The following PUM1 variants were observed in gnomAD, a reference collection of about 807,000 sequenced individuals.
PUM1 encodes the protein pumilio homolog 1.
A neutral mutation model predicts 131.8 loss-of-function variants in PUM1; 13 were observed. The observed-to-expected ratio is 0.10, with a 90% CI of 0.06 to 0.16. The LOEUF (loss-of-function observed/expected upper bound fraction) is 0.16, where lower values mean the gene tolerates loss of function less well. Ranked by LOEUF, PUM1 falls within the 10% of genes least tolerant of loss-of-function variation. The pLI, the probability that PUM1 is intolerant of heterozygous loss-of-function variation, is 1.00. For synonymous variants in PUM1, 509 were observed against 556.5 expected (o/e 0.91, Z 1.20); for missense variants, 961 against 1,512.4 (o/e 0.64, Z 6.05).
chr1:30,998,667 T>C (rs748585002), intron 5 of PUM1, among the ~76,000 whole-genome samples: 4 of 152,116 alleles, frequency 2.6e-5, no homozygotes, highest in Non-Finnish European at 5.9e-5. Context: ...ATAAAAGACT[T>C]GACTGATATT....
At chr1:30,960,965 GACA>G (rs1475607748) in intron 14 of PUM1, among the ~76,000 whole-genome samples, 1 of 147,132 alleles carries the variant, frequency 6.8e-6, no homozygotes, top group African/African-American at 2.5e-5. Context: ...CATTTTAAAA[GACA>G]ACATTTTAAA....
chr1:31,051,302 A>ATTT (rs35765126), intron 2 of PUM1, among the ~76,000 whole-genome samples: 4 of 140,872 alleles, frequency 2.8e-5, no homozygotes, highest in African/African-American at 2.6e-5. Context: ...CATCCACTGA[A>ATTT]TTTTTTTTTT....
chr1:30,959,780 G>C (rs1006680923), intron 14 of PUM1, among the ~76,000 whole-genome samples: 1 of 151,682 alleles, frequency 6.6e-6, no homozygotes, highest in African/African-American at 2.4e-5. Flanking sequence ...GGTGGTGGGC[G>C]CCTATAGTCC....
At chr1:30,994,647 T>C (rs1482116432) in intron 6 of PUM1, among the ~76,000 whole-genome samples, 1 of 152,186 alleles carries the variant, frequency 6.6e-6, no homozygotes, top group Non-Finnish European at 1.5e-5. Context: ...CTCAACTGTT[T>C]TTCCCTCTAA....
At chr1:31,024,838 T>C (rs1336288899) in intron 3 of PUM1, among the ~76,000 whole-genome samples, 1 of 152,216 alleles carries the variant, frequency 6.6e-6, no homozygotes, top group Non-Finnish European at 1.5e-5. Context: ...AAACAGGTTA[T>C]GCAAGATCAT....
At chr1:30,974,861 T>C (rs1489479176) in intron 9 of PUM1, 59 bp from the exon 10 acceptor site, 2 of 1,413,906 alleles carry the variant, frequency 1.4e-6, no homozygotes, top group Non-Finnish European at 1.9e-6. Flanking sequence ...ATCTCAGCCT[T>C]TCCAAAATTA....
intron 7 of PUM1, among the ~76,000 whole-genome samples, chr1:30,986,247 G>T (rs1004857121): frequency 6.6e-6 from 1 of 152,186 alleles, no homozygotes; most frequent in Admixed American, 6.5e-5. Flanking sequence ...GAGCCACCAT[G>T]CTTGGCCTCT....
chr1:30,960,866 TCCC>T (rs1436217298), intron 14 of PUM1, among the ~76,000 whole-genome samples: 1 of 151,926 alleles, frequency 6.6e-6, no homozygotes, highest in East Asian at 1.9e-4. Context: ...GAGAAAATAT[TCCC>T]CCAAGAGTTT....
At chr1:30,990,302 C>T (rs890760071) in intron 7 of PUM1, among the ~76,000 whole-genome samples, 4 of 151,996 alleles carry the variant, frequency 2.6e-5, no homozygotes, top group South Asian at 2.1e-4. Flanking sequence ...GACTATTAGA[C>T]GAGTAATCAC....
chr1:31,059,213 T>C lies in PUM1; in HGVS notation c.354A>G (p.Ala118=), dbSNP rs141470203. The C allele has an allele frequency of 4.7e-4, 746 of 1,571,010 alleles. 2 individuals carry two copies. The highest frequency in any genetic ancestry group is 1.2e-3 in the Admixed American group (62 of 52,074). The part of the protein sequence containing the change: ...HRWPTGDNIH[A]EHQVRSMDEL... ...GTGAACTTTTTTTTACCTGATGTTCTGCATGAATGTTATCCCCAGTAGGCC... is the reference window on the plus strand; with the variant it reads ...GTGAACTTTTTTTTACCTGATGTTCCGCATGAATGTTATCCCCAGTAGGCC... The change falls in exon 2 of 22, where the codon GCA becomes GCG. Residue 118 remains alanine (A), a synonymous_variant. Coordinates refer to ENST00000426105, the MANE Select transcript of PUM1 (RefSeq NM_001020658.2).
At chr1:30,945,540 T>C (rs1039366291) in intron 17 of PUM1, 57 bp from the exon 18 acceptor site, 5 of 1,585,238 alleles carry the variant, frequency 3.2e-6, no homozygotes, top group East Asian at 2.2e-5. Flanking sequence ...TGTGGACAAA[T>C]AATATTCTTT....
At chr1:30,964,515 G>A (rs1041084515) in intron 14 of PUM1, among the ~76,000 whole-genome samples, 159 bp downstream of exon 14, 4 of 152,106 alleles carry the variant, frequency 2.6e-5, no homozygotes, top group Non-Finnish European at 5.9e-5. Context: ...CTATCTATAG[G>A]TACAGCCTGA....
chr1:31,040,794 AT>A (rs1370534523), intron 2 of PUM1, among the ~76,000 whole-genome samples: 8 of 152,110 alleles, frequency 5.3e-5, no homozygotes, highest in Non-Finnish European at 1.2e-4. Flanking sequence ...TAAAAAAAAA[AT>A]AACATGAAAG....
intron 2 of PUM1, among the ~76,000 whole-genome samples, chr1:31,057,460 C>A (rs1375139987): frequency 4.7e-5 from 7 of 147,776 alleles, no homozygotes; most frequent in Non-Finnish European, 8.9e-5. Context: ...CATGGTGGCT[C>A]ACACCCGTAA....
chr1:30,992,447 T>C lies in PUM1; in HGVS notation c.1101A>G (p.Val367=). 1 of 1,614,198 alleles carries C rather than the reference T, an allele frequency of 6.2e-7. No homozygotes were observed. Among genetic ancestry groups the C allele is most frequent in the Non-Finnish European group, 8.5e-7 (1 of 1,180,026 alleles). Residue 367 remains valine (V), a synonymous_variant, in exon 7 of 22, where the codon GTA becomes GTG. Coordinates refer to ENST00000426105, the MANE Select transcript of PUM1 (RefSeq NM_001020658.2). ...CAGTTGCTGCTGCTGAGTCCACAGG[T>C]ACCTGCGTGCCTGAATAATCAAACT... The part of the protein sequence containing the change: ...PLQFDYSGTQ[V]PVDSAAATVG...
At chr1:30,939,483 C>A (rs1226126544) in intron 20 of PUM1, among the ~76,000 whole-genome samples, 1 of 152,192 alleles carries the variant, frequency 6.6e-6, no homozygotes, top group Non-Finnish European at 1.5e-5. Context: ...AGCTGCCCAG[C>A]ATGGAAAAGA....
intron 9 of PUM1, among the ~76,000 whole-genome samples, chr1:30,976,329 C>G (rs1297177623): frequency 1.3e-5 from 2 of 152,188 alleles, no homozygotes; most frequent in Non-Finnish European, 2.9e-5. Flanking sequence ...GTCAATTCTT[C>G]AAATCTGCTG....
intron 14 of PUM1, among the ~76,000 whole-genome samples, chr1:30,961,659 C>T (rs1476051038): frequency 6.6e-6 from 1 of 151,960 alleles, no homozygotes; most frequent in Non-Finnish European, 1.5e-5. Context: ...CTAAACAGGT[C>T]ACTGATTTTG....
intron 5 of PUM1, among the ~76,000 whole-genome samples, chr1:31,001,940 C>G (rs1320641379): frequency 2.0e-5 from 3 of 152,212 alleles, no homozygotes; most frequent in Non-Finnish European, 4.4e-5. Context: ...GATTTTGATT[C>G]ATTCGCTCTC....
Sources: allele counts gnomAD v4.1 joint callset (sites outside exome capture counted in the v4.1 genomes callset), GRCh38; gene constraint gnomAD v4.1.1; transcripts MANE v1.5; gene names NCBI Gene and HGNC (gene_info 2026-07-23, HGNC 2026-07-21).